The following RAD51C variants were observed in gnomAD, a reference collection of about 807,000 sequenced individuals.
The protein encoded by RAD51C is DNA repair protein RAD51 homolog 3.
RAD51C carries 42 observed loss-of-function variants against 45.0 expected under a neutral mutation model. The ratio of observed to expected loss-of-function variants is 0.93; its 90% CI spans 0.73 to 1.21. The LOEUF is 1.21. Ranked by LOEUF, RAD51C falls within the 50% of genes most tolerant of loss-of-function variation. The probability of loss-of-function intolerance (pLI) is 0.00; values close to 1 mark genes in which losing one functional copy is unlikely to be tolerated. For synonymous variants in RAD51C, 172 were observed against 159.8 expected, an observed-to-expected ratio of 1.08 and a Z score of -0.58; for missense variants, 474 against 452.2, an observed-to-expected ratio of 1.05 and a Z score of -0.44.
chr17:58,713,534 C>T (rs1445235802), intron 5 of RAD51C, among the ~76,000 whole-genome samples: 17 of 151,944 alleles, frequency 1.1e-4, no homozygotes, highest in Admixed American at 1.1e-3. Flanking sequence ...AGAGGCTGGG[C>T]ACGGTGGCTC....
At chr17:58,720,424 AAAT>A (rs2048876852) in intron 5 of RAD51C, among the ~76,000 whole-genome samples, 4 of 147,602 alleles carry the variant, frequency 2.7e-5, no homozygotes, top group African/African-American at 2.4e-5. Flanking sequence ...TCAAAAAAAA[AAAT>A]AAAATAAAAA....
chr17:58,698,178 ATTTTTTT>A (rs34731311), intron 3 of RAD51C, among the ~76,000 whole-genome samples: 1 of 116,136 alleles, frequency 8.6e-6, no homozygotes, highest in Non-Finnish European at 1.8e-5. Context: ...TGCCCAGCTA[ATTTTTTT>A]TTTTTTTTTT....
chr17:58,696,674 G>C lies in RAD51C; in HGVS notation c.405-19G>C, dbSNP rs2143742410. On this transcript the variant is annotated intron_variant, in intron 2 of 8. Transcript: ENST00000337432. ...GATCATCATCATGATTTGGTTGTTT[G>C]TCATCTTTCTGTTGACAGTATGCAG... The C allele has an allele frequency of 6.2e-7, 1 of 1,614,084 alleles. No individual in the cohort carries two copies.
At chr17:58,720,419 AAAAAAAAT>A (rs1439120640) in intron 5 of RAD51C, among the ~76,000 whole-genome samples, 1 of 144,190 alleles carries the variant, frequency 6.9e-6, no homozygotes, top group Non-Finnish European at 1.6e-5. Flanking sequence ...CTGTCTCAAA[AAAAAAAAT>A]AAAATAAAAA....
intron 7 of RAD51C, among the ~76,000 whole-genome samples, chr17:58,731,551 G>A (rs1392266679): frequency 2.0e-5 from 3 of 152,210 alleles, no homozygotes; most frequent in East Asian, 1.9e-4. Context: ...GAGCCACCGC[G>A]CCCAGCCAAA....
At chr17:58,733,380 C>T (rs561843294) in intron 8 of RAD51C, among the ~76,000 whole-genome samples, 5 of 152,110 alleles carry the variant, frequency 3.3e-5, no homozygotes, top group Admixed American at 3.3e-4. Context: ...TCCACTTAGT[C>T]TTTGCAGTAC....
chr17:58,711,263 G>C (rs2143865687), intron 5 of RAD51C, among the ~76,000 whole-genome samples: 1 of 152,178 alleles, frequency 6.6e-6, no homozygotes, highest in East Asian at 1.9e-4. Context: ...TCAAATAGTA[G>C]GTAGTGTTTA....
At position 58,696,825 on chromosome 17, in the gene RAD51C, C is replaced by T. The variant is rs372385738; in HGVS notation, c.537C>T (p.His179=). 1.9e-6 allele frequency: 3 copies of T among 1,614,016 alleles called. No individual in the cohort carries two copies. In the African/African-American group the frequency reaches 4.0e-5, roughly 22 times the overall value. Residue 179 remains histidine (H), a synonymous_variant, in exon 3 of 9, where the codon CAC becomes CAT. Transcript: ENST00000337432. ...ACCTTGCTACTGCCTGCATTCAGCA[C>T]CTTCAGCTTATAGCAGAAAAACACA... ...VVDLATACIQ[H]LQLIAEKHKG... is the part of the protein sequence containing the mutation.
At chr17:58,709,638 T>C in intron 4 of RAD51C, 1 of 431,780 alleles carries the variant, frequency 2.3e-6, no homozygotes, top group Admixed American at 3.9e-5. Flanking sequence ...AGTAAGTTGT[T>C]TTATTTAGAG....
intron 5 of RAD51C, among the ~76,000 whole-genome samples, chr17:58,719,993 G>T (rs927319639): frequency 6.6e-6 from 1 of 151,450 alleles, no homozygotes; most frequent in Non-Finnish European, 1.5e-5. Context: ...AGCCAGGATG[G>T]TCTCGATCTC....
chr17:58,692,582 C>G (rs982832032), upstream of RAD51C: 9 of 1,598,868 alleles, frequency 5.6e-6, no homozygotes, highest in African/African-American at 8.1e-5. Flanking sequence ...TGACGTCACG[C>G]CGCACGCCCC....
At chr17:58,696,016 G>A (rs1424280610) in intron 2 of RAD51C, among the ~76,000 whole-genome samples, 4 of 150,468 alleles carry the variant, frequency 2.7e-5, no homozygotes, top group Non-Finnish European at 5.9e-5. Flanking sequence ...GCAGTGAGCC[G>A]AGATCATGCC....
intron 3 of RAD51C, among the ~76,000 whole-genome samples, chr17:58,697,947 G>A (rs2048076636): frequency 6.6e-6 from 1 of 151,870 alleles, no homozygotes. Context: ...CCTGACCTCA[G>A]GTGATCCTCC....
Position 58,734,379 on chromosome 17 carries a change from T to G in RAD51C, c.*157T>G. ...GGAAAAATACCTAAATATGATTCTGTGAAAGTTTTTCTAAAGCAGTATTCT... is the reference window on the plus strand; with the variant it reads ...GGAAAAATACCTAAATATGATTCTGGGAAAGTTTTTCTAAAGCAGTATTCT... On this transcript the variant is annotated 3_prime_UTR_variant, in exon 9 of 9. Coordinates refer to ENST00000337432, the MANE Select transcript of RAD51C (RefSeq NM_058216.3). The G allele has an allele frequency of 7.6e-7, 1 of 1,323,946 alleles. No homozygotes were observed. Among genetic ancestry groups the G allele is most frequent in the Non-Finnish European group, 1.0e-6 (1 of 980,250 alleles). The allele number at this position is 1,323,946 out of a possible 1,614,324, so 82.0% of individuals were successfully genotyped here. A position where few individuals can be genotyped will look rare whatever the true frequency, so the allele number is the denominator to read the frequency against.
intron 6 of RAD51C, 40 bp from the exon 7 acceptor site, chr17:58,724,000 C>A (rs2143960262): frequency 1.3e-6 from 2 of 1,523,742 alleles, no homozygotes; most frequent in South Asian, 2.2e-5. Context: ...ATAACCAAGT[C>A]AGTAAGGCCA....
chr17:58,701,817 C>G (rs1333811435), intron 3 of RAD51C, among the ~76,000 whole-genome samples: 1 of 151,796 alleles, frequency 6.6e-6, no homozygotes, highest in Non-Finnish European at 1.5e-5. Flanking sequence ...ATCCACCCAG[C>G]TTCCCAAAGT....
chr17:58,699,695 G>C (rs1567791282), intron 3 of RAD51C, among the ~76,000 whole-genome samples: 3 of 152,152 alleles, frequency 2.0e-5, no homozygotes, highest in Admixed American at 6.6e-5. Flanking sequence ...AATCACCACA[G>C]ACAACTTTAG....
chr17:58,709,881 G>T lies in RAD51C; in HGVS notation c.728G>T (p.Gly243Val), dbSNP rs2143850723. 6.2e-7 allele frequency: 1 copy of T among 1,609,310 alleles called. No homozygotes were observed. Among genetic ancestry groups the T allele is most frequent in the Non-Finnish European group, 8.5e-7 (1 of 1,175,864 alleles). ...HSKVRLVIVD[G>V]IAFPFRHDLD... ...TAGGTTCGACTAGTGATAGTGGATG[G>T]TATTGCTTTTCCATTTCGTCATGAC... The change falls in exon 5 of 9, where the codon GGT becomes GTT. Residue 243 changes from glycine (G) to valine (V), a missense_variant. Physicochemically the swap from Gly to Val is moderately radical, Grantham distance 109. Coordinates refer to ENST00000337432, the MANE Select transcript of RAD51C (RefSeq NM_058216.3).
At chr17:58,696,524 G>A (rs982334878) in intron 2 of RAD51C, among the ~76,000 whole-genome samples, 169 bp from the exon 3 acceptor site, 3 of 152,198 alleles carry the variant, frequency 2.0e-5, no homozygotes, top group African/African-American at 7.2e-5. Context: ...TAGTCGATTG[G>A]TTCACATTAT....
Sources: gnomAD v4.1 joint callset for allele counts (sites outside exome capture counted in the v4.1 genomes callset) on GRCh38, gnomAD v4.1.1 for gene constraint, MANE v1.5 for transcripts, NCBI Gene and HGNC (gene_info 2026-07-23, HGNC 2026-07-21) for gene names.